MAGI3: variants seen among roughly 807,000 people sequenced by gnomAD.
MAGI3 encodes membrane associated guanylate kinase, WW and PDZ domain containing 3, also known as membrane-associated guanylate kinase, WW and PDZ domain-containing protein 3.
In MAGI3, 43 loss-of-function variants were observed where a neutral mutation model predicts 121.8. The ratio of observed to expected loss-of-function variants is 0.35; its 90% confidence interval spans 0.28 to 0.46. MAGI3 has a LOEUF of 0.46. Ranked by LOEUF, MAGI3 falls within the 20% of genes least tolerant of loss-of-function variation. MAGI3 has a pLI of 1.00. For synonymous variants in MAGI3, 553 were observed against 639.3 expected, an observed-to-expected ratio of 0.86 and a Z score of 2.04; for missense variants, 1,547 against 1,797.3, an observed-to-expected ratio of 0.86 and a Z score of 2.52.
chr1:113,459,202 A>G (rs1338309983), intron 1 of MAGI3, among the ~76,000 whole-genome samples: 1 of 152,228 alleles, frequency 6.6e-6, no homozygotes, highest in Non-Finnish European at 1.5e-5. Flanking sequence ...AAGAAAGGAT[A>G]AACACTTTCA....
At position 113,683,276 on chromosome 1, in the gene MAGI3, G is replaced by T; in HGVS notation, c.3708G>T (p.Leu1236Phe). The change falls in exon 21 of 21, where the codon TTG becomes TTT. Residue 1236 changes from leucine to phenylalanine, a missense_variant. Physicochemically the swap from Leu to Phe is conservative, Grantham distance 22. Coordinates refer to ENST00000307546, the MANE Select transcript of MAGI3 (RefSeq NM_001142782.2). ...KPASQHSEEH[L>F]DKIPSPLKNN... is the part of the protein sequence containing the mutation. ...CCAGTCAACATTCAGAGGAACATTT[G>T]GATAAGATTCCTAGTCCTCTAAAAA... is the stretch of plus-strand genomic sequence containing the variant. 1 of 1,612,942 alleles carries T rather than the reference G, an allele frequency of 6.2e-7. No homozygotes were observed. The highest frequency in any genetic ancestry group is 8.5e-7 in the Non-Finnish European group (1 of 1,179,678).
At chr1:113,537,253 G>T (rs1330981950) in intron 1 of MAGI3, among the ~76,000 whole-genome samples, 1 of 152,128 alleles carries the variant, frequency 6.6e-6, no homozygotes, top group Non-Finnish European at 1.5e-5. Flanking sequence ...TTTGTCTTTT[G>T]CTCCTAGGCA....
chr1:113,530,811 G>A (rs568348760), intron 1 of MAGI3, among the ~76,000 whole-genome samples: 5 of 152,142 alleles, frequency 3.3e-5, no homozygotes, highest in Admixed American at 6.6e-5. Context: ...AGCTACTCGC[G>A]AAGCTGAGGT....
At position 113,619,639 on chromosome 1, in the gene MAGI3, C is replaced by T. The variant is rs185494595; in HGVS notation, c.1077-97C>T. Reference sequence around the variant, plus strand: ...CCATAGCCTAAAGATACATATTTGTCCCCTAATCTATGATGATGGAATGGT... The same window carrying T: ...CCATAGCCTAAAGATACATATTTGTTCCCTAATCTATGATGATGGAATGGT... On this transcript the variant is annotated intron_variant, in intron 7 of 20. Transcript: ENST00000307546. 76 of 790,798 alleles carry T rather than the reference C, an allele frequency of 9.6e-5. No individual in the cohort carries two copies. In the East Asian group the frequency reaches 2.0e-3, roughly 20 times the overall value. 49.0% of individuals were successfully genotyped at this position (790,798 alleles called of 1,614,324 possible). A position where few individuals can be genotyped will look rare whatever the true frequency, so the allele number is the denominator to read the frequency against.
chr1:113,645,617 T>C (rs1054128137), intron 11 of MAGI3, among the ~76,000 whole-genome samples: 6 of 152,262 alleles, frequency 3.9e-5, no homozygotes, highest in East Asian at 1.9e-4. Context: ...TGCCTTCTCA[T>C]TGGGTCTGGG....
chr1:113,679,394 A>G (rs1415795215), intron 19 of MAGI3, among the ~76,000 whole-genome samples: 1 of 152,142 alleles, frequency 6.6e-6, no homozygotes, highest in African/African-American at 2.4e-5. Flanking sequence ...TAGGATAATG[A>G]TGGCCTCCAG....
At chr1:113,590,450 A>G (rs748363150) in intron 4 of MAGI3, 34 bp from the exon 5 acceptor site, 82 of 1,604,434 alleles carry the variant, frequency 5.1e-5, no homozygotes, top group Non-Finnish European at 6.8e-5. Flanking sequence ...AACTTTACCC[A>G]CTTTTCACAC....
At chr1:113,634,528 G>A (rs1450892746) in intron 9 of MAGI3, among the ~76,000 whole-genome samples, 43 of 152,128 alleles carry the variant, frequency 2.8e-4, no homozygotes, top group African/African-American at 2.2e-4. Context: ...CAGGTTTGTC[G>A]AAGATCAGAT....
At chr1:113,536,048 A>T (rs1184797266) in intron 1 of MAGI3, among the ~76,000 whole-genome samples, 2 of 151,826 alleles carry the variant, frequency 1.3e-5, no homozygotes, top group African/African-American at 4.8e-5. Flanking sequence ...TGTCAAATGT[A>T]CCACCAACTA....
At chr1:113,423,215 A>G (rs554262277) in intron 1 of MAGI3, among the ~76,000 whole-genome samples, 14 of 134,958 alleles carry the variant, frequency 1.0e-4, no homozygotes, top group Admixed American at 2.4e-4. Context: ...CGTAGTTCCT[A>G]TCTGCAGGCA....
At chr1:113,675,781 CTCG>C (rs1647830485) in intron 19 of MAGI3, among the ~76,000 whole-genome samples, 1 of 152,182 alleles carries the variant, frequency 6.6e-6, no homozygotes, top group Admixed American at 6.5e-5. Flanking sequence ...CTTAATACAG[CTCG>C]TCAAGAACTG....
Position 113,450,628 on chromosome 1 carries a change from A to G in MAGI3, c.316+59279A>G. 9 of 1,041,852 alleles carry G rather than the reference A, an allele frequency of 8.6e-6. 1 individual carries two copies. Among genetic ancestry groups the G allele is most frequent in the Admixed American group, 6.7e-5 (4 of 59,282 alleles). The allele number at this position is 1,041,852 out of a possible 1,614,324, so 64.5% of individuals were successfully genotyped here. A position where few individuals can be genotyped will look rare whatever the true frequency, so the allele number is the denominator to read the frequency against. On this transcript the variant is annotated intron_variant, in intron 1 of 20. Transcript: ENST00000307546. ...GTGGACAACAGCAATCAAATTATGG[A>G]CCCGTGAAAGGGGACAGTTCTGGTG...
Position 113,683,630 on chromosome 1 carries a change from A to G in MAGI3, c.4062A>G (p.Pro1354=). 1 of 1,613,244 alleles carries G rather than the reference A, an allele frequency of 6.2e-7. No individual in the cohort carries two copies. The highest frequency in any genetic ancestry group is 8.5e-7 in the Non-Finnish European group (1 of 1,179,666). ...NQLEKSRTRS[P]EKKIKRMVEK... Reference sequence around the variant, plus strand: ...TGGAAAAAAGCAGAACAAGGTCTCCAGAGAAAAAAATCAAAAGAATGGTTG... The same window carrying G: ...TGGAAAAAAGCAGAACAAGGTCTCCGGAGAAAAAAATCAAAAGAATGGTTG... The change falls in exon 21 of 21, where the codon CCA becomes CCG. Residue 1354 remains proline, a synonymous_variant. Transcript: ENST00000307546.
At chr1:113,539,612 A>G (rs940795007) in intron 1 of MAGI3, among the ~76,000 whole-genome samples, 1 of 152,054 alleles carries the variant, frequency 6.6e-6, no homozygotes, top group Non-Finnish European at 1.5e-5. Flanking sequence ...TTACATATGT[A>G]TACATGTGCC....
chr1:113,520,628 G>A (rs1162781757), intron 1 of MAGI3, among the ~76,000 whole-genome samples: 1 of 151,352 alleles, frequency 6.6e-6, no homozygotes, highest in Non-Finnish European at 1.5e-5. Context: ...TTTATGAGAT[G>A]GAGTCTCACT....
chr1:113,503,263 C>T (rs1289135596), intron 1 of MAGI3, among the ~76,000 whole-genome samples: 1 of 55,610 alleles, frequency 1.8e-5, no homozygotes, highest in Non-Finnish European at 3.3e-5. Context: ...AAAAAGATCA[C>T]ACCACTGCAC....
intron 18 of MAGI3, 120 bp from the exon 19 acceptor site, chr1:113,673,202 A>G (rs1647667542): frequency 1.7e-6 from 2 of 1,202,750 alleles, no homozygotes; most frequent in South Asian, 2.8e-5. Context: ...CCTTCTTTAC[A>G]ATATAGAAAT....
At chr1:113,408,559 A>G (rs1337509157) in intron 1 of MAGI3, among the ~76,000 whole-genome samples, 4 of 148,284 alleles carry the variant, frequency 2.7e-5, no homozygotes, top group Middle Eastern at 3.4e-3. Context: ...GTCTGTCTTT[A>G]AAAGTCAAAC....
At chr1:113,441,101 C>T (rs924722967) in intron 1 of MAGI3, among the ~76,000 whole-genome samples, 5 of 152,058 alleles carry the variant, frequency 3.3e-5, no homozygotes, top group African/African-American at 1.2e-4. Flanking sequence ...TTTTTTGTCT[C>T]CTGCTCTTTT....
Sources: gnomAD v4.1 joint callset for allele counts (sites outside exome capture counted in the v4.1 genomes callset) on GRCh38, gnomAD v4.1.1 for gene constraint, MANE v1.5 for transcripts, NCBI Gene and HGNC (gene_info 2026-07-23, HGNC 2026-07-21) for gene names.